CA8: variants seen among roughly 807,000 people sequenced by gnomAD.
The protein encoded by CA8 is carbonic anhydrase 8 (inactive), also known as carbonic anhydrase-related protein.
A neutral mutation model predicts 41.4 loss-of-function variants in CA8; 22 were observed. The ratio of observed to expected loss-of-function variants is 0.53; its 90% CI spans 0.38 to 0.76. The LOEUF is 0.76. Among genes scored for constraint, CA8 ranks in the 30% least tolerant of loss-of-function variants. CA8 has a pLI of 0.00. For synonymous variants in CA8, 121 were observed against 130.6 expected (o/e 0.93, Z 0.50); for missense variants, 270 against 352.8 (o/e 0.77, Z 1.88).
chr8:60,207,267 G>A (rs1303213335), intron 8 of CA8, among the ~76,000 whole-genome samples: 1 of 152,162 alleles, frequency 6.6e-6, no homozygotes, highest in Non-Finnish European at 1.5e-5. Flanking sequence ...TGTCTGTAAA[G>A]CCTCCCACAA....
At chr8:60,274,294 A>G (rs1201120736) in intron 2 of CA8, among the ~76,000 whole-genome samples, 2 of 152,198 alleles carry the variant, frequency 1.3e-5, no homozygotes, top group African/African-American at 2.4e-5. Flanking sequence ...AACTTGCCAG[A>G]GCAACATGAA....
At chr8:60,208,600 T>C in intron 8 of CA8, 150 bp downstream of exon 8, 1 of 688,886 alleles carries the variant, frequency 1.5e-6, no homozygotes, top group Non-Finnish European at 2.5e-6. Flanking sequence ...GACCTGTAAT[T>C]AACAGAGCTC....
At chr8:60,203,510 T>A (rs991756066) in intron 8 of CA8, among the ~76,000 whole-genome samples, 1 of 152,154 alleles carries the variant, frequency 6.6e-6, no homozygotes. Flanking sequence ...AAAATAGTAA[T>A]CTCAGTATAA....
At chr8:60,210,568 G>A (rs1020625039) in intron 7 of CA8, among the ~76,000 whole-genome samples, 2 of 151,654 alleles carry the variant, frequency 1.3e-5, no homozygotes, top group Non-Finnish European at 2.9e-5. Context: ...AAAATTAAAC[G>A]GATAGTTCAA....
At chr8:60,218,809 A>C (rs1469594008) in intron 7 of CA8, among the ~76,000 whole-genome samples, 2 of 152,172 alleles carry the variant, frequency 1.3e-5, no homozygotes, top group Non-Finnish European at 2.9e-5. Context: ...TCATTCATAG[A>C]ACAACAGTGA....
chr8:60,234,914 G>A (rs71523399), intron 3 of CA8, among the ~76,000 whole-genome samples: 1 of 152,154 alleles, frequency 6.6e-6, no homozygotes, highest in Non-Finnish European at 1.5e-5. Flanking sequence ...TTCTACACCA[G>A]TAGAGGTTGG....
intron 3 of CA8, among the ~76,000 whole-genome samples, chr8:60,260,127 T>C (rs1017029605): frequency 6.6e-6 from 1 of 152,160 alleles, no homozygotes; most frequent in Non-Finnish European, 1.5e-5. Flanking sequence ...TAATTGTCTG[T>C]GGAAGGTGAA....
chr8:60,210,692 T>C (rs1182682956), intron 7 of CA8, among the ~76,000 whole-genome samples: 1 of 152,188 alleles, frequency 6.6e-6, no homozygotes, highest in Non-Finnish European at 1.5e-5. Flanking sequence ...ACTGGTTGAT[T>C]TCCCTTAATG....
intron 5 of CA8, among the ~76,000 whole-genome samples, chr8:60,224,999 C>T (rs1807377313): frequency 6.6e-6 from 1 of 151,840 alleles, no homozygotes; most frequent in Non-Finnish European, 1.5e-5. Context: ...CTAACCTTTC[C>T]GGCATTACAA....
rs1446084985 is a variant in CA8, at chr8:60,189,318, A to ATG, written c.*702_*703insCA. 5.3e-5 allele frequency: 8 copies of ATG among 152,160 alleles called. No homozygotes were observed. Among genetic ancestry groups the ATG allele is most frequent in the Non-Finnish European group, 7.4e-5 (5 of 68,020 alleles). The allele number at this position is 152,160 out of a possible 1,614,324, so 9.4% of individuals were successfully genotyped here. A position where few individuals can be genotyped will look rare whatever the true frequency, so the allele number is the denominator to read the frequency against. ...TTTCTTACACCTTTCTCAAATTCCT[A>ATG]TTAAACCACAGCTTCGAATATGTCA... is the stretch of plus-strand genomic sequence containing the variant. On this transcript the variant is annotated 3_prime_UTR_variant, in exon 9 of 9. Coordinates refer to ENST00000317995, the MANE Select transcript of CA8 (RefSeq NM_004056.6).
chr8:60,208,419 C>T (rs772135249), intron 8 of CA8: 39 of 315,968 alleles, frequency 1.2e-4, no homozygotes, highest in Non-Finnish European at 2.1e-4. Flanking sequence ...TGCTGCTTCA[C>T]GGGGACAACA....
chr8:60,229,993 C>G (rs1807584284), intron 4 of CA8, among the ~76,000 whole-genome samples: 1 of 152,244 alleles, frequency 6.6e-6, no homozygotes, highest in Non-Finnish European at 1.5e-5. Context: ...GGCATCCAAT[C>G]CCAAGGGGGT....
chr8:60,209,208 G>A (rs927244058), intron 7 of CA8, among the ~76,000 whole-genome samples: 2 of 152,148 alleles, frequency 1.3e-5, no homozygotes, highest in South Asian at 4.1e-4. Context: ...GATACAGGCC[G>A]GGCACAGTGG....
At chr8:60,261,873 G>A (rs537035124) in intron 3 of CA8, among the ~76,000 whole-genome samples, 26 of 151,962 alleles carry the variant, frequency 1.7e-4, no homozygotes, top group East Asian at 7.7e-4. Flanking sequence ...CACCACACCC[G>A]GCTAATTTTT....
intron 3 of CA8, among the ~76,000 whole-genome samples, chr8:60,248,827 T>TAA (rs956357927): frequency 7.9e-5 from 12 of 152,176 alleles, no homozygotes; most frequent in Admixed American, 1.3e-4. Flanking sequence ...ATTATATATA[T>TAA]AATGCTATAT....
chr8:60,237,020 C>T (rs1807852957), intron 3 of CA8, among the ~76,000 whole-genome samples: 1 of 152,156 alleles, frequency 6.6e-6, no homozygotes, highest in African/African-American at 2.4e-5. Flanking sequence ...GCCTAACCGC[C>T]CAGATATGCT....
At chr8:60,266,607 C>T (rs751354956) in intron 2 of CA8, among the ~76,000 whole-genome samples, 8 of 152,074 alleles carry the variant, frequency 5.3e-5, no homozygotes, top group East Asian at 1.9e-4. Context: ...TTACCACAAA[C>T]GACACAAAAT....
At chr8:60,276,050 A>G (rs1028719904) in intron 2 of CA8, among the ~76,000 whole-genome samples, 7 of 152,246 alleles carry the variant, frequency 4.6e-5, no homozygotes, top group African/African-American at 1.7e-4. Context: ...GCATCCAAGC[A>G]TGTAGCCCTC....
At chr8:60,227,206 G>C (rs111578394) in intron 4 of CA8, among the ~76,000 whole-genome samples, 2 of 151,874 alleles carry the variant, frequency 1.3e-5, no homozygotes, top group Admixed American at 6.6e-5. Context: ...AAGAAGAATC[G>C]CTTGAACCCA....
Sources: gnomAD v4.1 joint callset for allele counts (sites outside exome capture counted in the v4.1 genomes callset) on GRCh38, gnomAD v4.1.1 for gene constraint, MANE v1.5 for transcripts, NCBI Gene and HGNC (gene_info 2026-07-23, HGNC 2026-07-21) for gene names.